SDK1: variants seen among roughly 807,000 people sequenced by gnomAD.
The protein encoded by SDK1 is protein sidekick-1.
A neutral mutation model predicts 245.5 loss-of-function variants in SDK1; 157 were observed. That is an observed-to-expected ratio of 0.64 (90% CI 0.56 to 0.73). SDK1 has a LOEUF of 0.73. Ranked by LOEUF, SDK1 falls within the 30% of genes least tolerant of loss-of-function variation. The pLI is 0.00. For synonymous variants in SDK1, 1,647 were observed against 1,278.5 expected (o/e 1.29, Z -6.15); for missense variants, 3,583 against 3,002.3 (o/e 1.19, Z -4.52).
At chr7:3,570,542 G>T (rs1025329312) in intron 1 of SDK1, among the ~76,000 whole-genome samples, 1 of 152,152 alleles carries the variant, frequency 6.6e-6, no homozygotes. Flanking sequence ...CATCTTGCTG[G>T]ATGAGGAGGT....
intron 34 of SDK1, among the ~76,000 whole-genome samples, chr7:4,177,378 G>T (rs1782280252): frequency 6.6e-6 from 1 of 152,216 alleles, no homozygotes; most frequent in Non-Finnish European, 1.5e-5. Flanking sequence ...TTGGCTTAAA[G>T]GTCAATTATT....
chr7:3,860,933 A>C (rs554304653), intron 5 of SDK1, among the ~76,000 whole-genome samples: 54 of 152,284 alleles, frequency 3.5e-4, no homozygotes, highest in African/African-American at 1.3e-3. Flanking sequence ...TGCTTGCAAC[A>C]AAGGCCGAAT....
chr7:4,127,188 T>G (rs1584223246), intron 25 of SDK1, among the ~76,000 whole-genome samples, 193 bp from the exon 26 acceptor site: 1 of 152,296 alleles, frequency 6.6e-6, no homozygotes, highest in Non-Finnish European at 1.5e-5. Flanking sequence ...TACCCAGGAT[T>G]TATGGAATTT....
chr7:3,727,683 G>A (rs940777905), intron 4 of SDK1, among the ~76,000 whole-genome samples: 1 of 151,942 alleles, frequency 6.6e-6, no homozygotes, highest in Non-Finnish European at 1.5e-5. Context: ...TAGAGACGGG[G>A]TTTCACCATG....
Position 4,051,843 on chromosome 7 carries a change from TTC to T in SDK1, c.2911+15_2911+16del. The stretch of plus-strand genomic sequence containing the variant: ...ACTCAGGAAGACAGTGAGTATTCCT[TTC>T]TGCGTGTCTCTTAAGTCACTTGTCA... On this transcript the variant is annotated intron_variant, in intron 19 of 44. Coordinates refer to ENST00000404826, the MANE Select transcript of SDK1 (RefSeq NM_152744.4). The T allele has an allele frequency of 6.3e-7, 1 of 1,598,254 alleles. No individual in the cohort carries two copies. Among genetic ancestry groups the T allele is most frequent in the Non-Finnish European group, 8.6e-7 (1 of 1,169,016 alleles).
intron 1 of SDK1, among the ~76,000 whole-genome samples, chr7:3,483,598 G>T (rs917567999): frequency 3.9e-5 from 6 of 152,106 alleles, no homozygotes; most frequent in Non-Finnish European, 7.4e-5. Context: ...TTTAACAAGT[G>T]GAACAGATAT....
chr7:3,848,331 T>G (rs1468802177), intron 5 of SDK1, among the ~76,000 whole-genome samples: 1 of 152,208 alleles, frequency 6.6e-6, no homozygotes, highest in Non-Finnish European at 1.5e-5. Flanking sequence ...TAAAAATCCC[T>G]TATCGGAACT....
At chr7:3,519,784 TGAG>T (rs1268993515) in intron 1 of SDK1, among the ~76,000 whole-genome samples, 1 of 152,112 alleles carries the variant, frequency 6.6e-6, no homozygotes, top group African/African-American at 2.4e-5. Context: ...TAGAATTCTA[TGAG>T]GAGATAAAAA....
chr7:3,613,996 A>T (rs1345824318), intron 1 of SDK1, among the ~76,000 whole-genome samples: 1 of 152,180 alleles, frequency 6.6e-6, no homozygotes, highest in Non-Finnish European at 1.5e-5. Flanking sequence ...GAGAGCGGGG[A>T]GAGGATCAGG....
At chr7:3,771,537 T>C (rs1410910246) in intron 4 of SDK1, among the ~76,000 whole-genome samples, 2 of 152,226 alleles carry the variant, frequency 1.3e-5, no homozygotes, top group Non-Finnish European at 2.9e-5. Flanking sequence ...AACCTGTCTG[T>C]ACTTTGGTTA....
At position 4,174,277 on chromosome 7, in the gene SDK1, G is replaced by C. The variant is rs774768796; in HGVS notation, c.4856G>C (p.Arg1619Thr). The change falls in exon 33 of 45, where the codon AGG (arginine) becomes ACG (threonine). Residue 1619 changes from arginine (R) to threonine (T), a missense_variant. Physicochemically the swap from Arg to Thr is moderately conservative, Grantham distance 71. Coordinates refer to ENST00000404826, the MANE Select transcript of SDK1 (RefSeq NM_152744.4). Reference sequence around the variant, plus strand: ...CTTCAGGGATACAGGATCTACTACAGGGAGCTGGAGTATGAAGCCGGGTCA... The same window carrying C: ...CTTCAGGGATACAGGATCTACTACACGGAGCTGGAGTATGAAGCCGGGTCA... Reference protein sequence around the residue: ...GLLQGYRIYYRELEYEAGSGT... With the variant: ...GLLQGYRIYYTELEYEAGSGT... The C allele has an allele frequency of 6.2e-7, 1 of 1,613,804 alleles. No individual in the cohort carries two copies. The highest frequency in any genetic ancestry group is 8.5e-7 in the Non-Finnish European group (1 of 1,179,670).
At chr7:3,458,833 C>T (rs982532629) in intron 1 of SDK1, among the ~76,000 whole-genome samples, 10 of 152,086 alleles carry the variant, frequency 6.6e-5, no homozygotes, top group African/African-American at 2.4e-4. Flanking sequence ...TCTGTTTTGT[C>T]TACCTATGCA....
rs569323586 is a variant in SDK1 at position 4,230,728 on chromosome 7, C to G, written c.5828-2527C>G. On this transcript the variant is annotated intron_variant, in intron 40 of 44. Coordinates refer to ENST00000404826, the MANE Select transcript of SDK1 (RefSeq NM_152744.4). ...TGGATGGATGGGTGGATGGATGATG[C>G]TAAGCCTGATGGTGTGAACAGCCAG... Among the ~76,000 whole-genome samples the G allele has an allele frequency of 3.3e-5, 5 of 152,142 alleles. No individual in the cohort carries two copies. The South Asian group carries it at 6.2e-4, about 19-fold the overall frequency.
intron 1 of SDK1, among the ~76,000 whole-genome samples, chr7:3,492,546 T>C (rs909293373): frequency 6.6e-6 from 1 of 152,118 alleles, no homozygotes; most frequent in African/African-American, 2.4e-5. Context: ...GTCAGTGAAA[T>C]TGGGGGATAC....
intron 5 of SDK1, among the ~76,000 whole-genome samples, chr7:3,910,478 C>G (rs1305771586): frequency 2.6e-5 from 4 of 152,122 alleles, no homozygotes; most frequent in African/African-American, 7.2e-5. Flanking sequence ...GTGTCCTTAG[C>G]ATTTTGGAAG....
chr7:3,657,733 T>C (rs566595891), intron 4 of SDK1, among the ~76,000 whole-genome samples: 6 of 152,338 alleles, frequency 3.9e-5, no homozygotes, highest in South Asian at 2.1e-4. Flanking sequence ...ATGCAGATGA[T>C]GTGGAGGCAC....
chr7:3,415,180 G>T (rs1779326047), intron 1 of SDK1, among the ~76,000 whole-genome samples: 1 of 152,148 alleles, frequency 6.6e-6, no homozygotes, highest in Non-Finnish European at 1.5e-5. Context: ...GCTATGAAAG[G>T]AACCTGAAGT....
chr7:3,426,922 C>T (rs1321701840), intron 1 of SDK1, among the ~76,000 whole-genome samples: 2 of 152,198 alleles, frequency 1.3e-5, no homozygotes, highest in South Asian at 2.1e-4. Flanking sequence ...TAAAGGCATG[C>T]AGAGTTCTTC....
chr7:3,843,715 G>GGCTTCAAATCCC (rs1469403072), intron 5 of SDK1, among the ~76,000 whole-genome samples: 1 of 152,224 alleles, frequency 6.6e-6, no homozygotes, highest in Non-Finnish European at 1.5e-5. Flanking sequence ...AAACTCGCCT[G>GGCTTCAAATCCC]ACGATGAAGC....
Sources: gnomAD v4.1 joint callset for allele counts (sites outside exome capture counted in the v4.1 genomes callset) on GRCh38, gnomAD v4.1.1 for gene constraint, MANE v1.5 for transcripts, NCBI Gene and HGNC (gene_info 2026-07-23, HGNC 2026-07-21) for gene names.